Variants in CHST10 observed in about 807,000 individuals in gnomAD.
CHST10 encodes the protein carbohydrate sulfotransferase 10, also known as HNK-1 sulfotransferase.
A neutral mutation model predicts 34.7 loss-of-function variants in CHST10; 24 were observed. That is an observed-to-expected ratio of 0.69 (90% CI 0.50 to 0.97). The LOEUF is 0.97. CHST10 is among the 50% of genes least tolerant of loss of function. The pLI is 0.00. For synonymous variants in CHST10, 161 were observed against 169.3 expected (o/e 0.95, Z 0.38); for missense variants, 402 against 452.1 (o/e 0.89, Z 1.00).
In CHST10 at chr2:100,417,633, G is replaced by T. The variant is rs923420498; in HGVS notation, c.-363C>A. 1.1e-4 allele frequency: 17 copies of T among 150,852 alleles called. No homozygotes were observed. Among genetic ancestry groups the T allele is most frequent in the African/African-American group, 3.9e-4 (16 of 41,298 alleles). The allele number at this position is 150,852 out of a possible 1,614,324, so 9.3% of individuals were successfully genotyped here. A position where few individuals can be genotyped will look rare whatever the true frequency, so the allele number is the denominator to read the frequency against. ...CCAGAACGCCGGCACCGCCTCACGC[G>T]GCCCCCTCGCGCCTATCCGGCCGTG... On this transcript the variant is annotated 5_prime_UTR_variant, in exon 1 of 7. Transcript: ENST00000264249.
rs1426614747 is a variant in CHST10 at position 100,402,580 on chromosome 2, A to G, written c.176T>C (p.Ile59Thr). ...TGTGCCCACCTTCAGTTCCTCAGGAATGTGCTTCTCTTCTGGCAACTTCCT... is the reference window on the plus strand; with the variant it reads ...TGTGCCCACCTTCAGTTCCTCAGGAGTGTGCTTCTCTTCTGGCAACTTCCT... ...EVRKLPEEKH[I>T]PEELKPTGKE... Residue 59 changes from isoleucine (I) to threonine (T), a missense_variant, in exon 4 of 7, where the codon ATT (isoleucine) becomes ACT (threonine). By Grantham distance (89) the Ile-to-Thr change is moderately conservative (BLOSUM62 -1). Transcript: ENST00000264249. The G allele has an allele frequency of 6.2e-7, 1 of 1,613,828 alleles. No individual in the cohort carries two copies. Among genetic ancestry groups the G allele is most frequent in the South Asian group, 1.1e-5 (1 of 91,062 alleles).
intron 2 of CHST10, among the ~76,000 whole-genome samples, chr2:100,409,439 C>A (rs996146534): frequency 3.9e-5 from 6 of 152,154 alleles, no homozygotes; most frequent in Non-Finnish European, 7.3e-5. Context: ...GCCATATGTG[C>A]CTTCCTAAGT....
intron 2 of CHST10, among the ~76,000 whole-genome samples, chr2:100,407,301 A>T (rs1675621565): frequency 6.6e-6 from 1 of 152,226 alleles, no homozygotes; most frequent in African/African-American, 2.4e-5. Context: ...GGTGTTTTTC[A>T]TGCTGTCACA....
At chr2:100,399,054 T>C (rs918496754) in intron 4 of CHST10, among the ~76,000 whole-genome samples, 1 of 151,220 alleles carries the variant, frequency 6.6e-6, no homozygotes, top group Non-Finnish European at 1.5e-5. Flanking sequence ...GTTGTGGCCC[T>C]GTTTCTCAGC....
At chr2:100,396,666 CTG>C (rs890996484) in intron 5 of CHST10, among the ~76,000 whole-genome samples, 2 of 152,182 alleles carry the variant, frequency 1.3e-5, no homozygotes, top group Non-Finnish European at 1.5e-5. Flanking sequence ...AGAACCAGCT[CTG>C]TGGGTCCACA....
At position 100,402,647 on chromosome 2, in the gene CHST10, C is replaced by A; in HGVS notation, c.109G>T (p.Ala37Ser). ...GTCAGGAACAGAAACTCCTGTTTGG[C>A]ACTGTACACTGGAAGACAGAGAGGT... Reference protein sequence around the residue: ...LTFKDPDVYSAKQEFLFLTTM... With the variant: ...LTFKDPDVYSSKQEFLFLTTM... Residue 37 changes from alanine (A) to serine (S), a missense_variant, in exon 4 of 7, where the codon GCC (alanine) becomes TCC (serine). Coordinates refer to ENST00000264249, the MANE Select transcript of CHST10 (RefSeq NM_004854.5). 1 of 1,613,748 alleles carries A rather than the reference C, an allele frequency of 6.2e-7. No individual in the cohort carries two copies. The highest frequency in any genetic ancestry group is 8.5e-7 in the Non-Finnish European group (1 of 1,179,746).
rs1558635972 is a variant in CHST10 at position 100,398,093 on chromosome 2, T to C, written c.242A>G (p.Tyr81Cys). 1.9e-6 allele frequency: 3 copies of C among 1,613,966 alleles called. No homozygotes were observed. Among genetic ancestry groups the C allele is most frequent in the Admixed American group, 1.7e-5 (1 of 59,994 alleles). ...PDSQLVQPLV[Y>C]MERLELIRNV... ...TCTGATGAGTTCCAGGCGCTCCATG[T>C]AGACCAGGGGCTGAACGAGCTGGCT... Residue 81 changes from tyrosine to cysteine, a missense_variant, in exon 5 of 7, where the codon TAC becomes TGC. Transcript: ENST00000264249.
At position 100,402,581 on chromosome 2, in the gene CHST10, T is replaced by G; in HGVS notation, c.175A>C (p.Ile59Leu). The G allele has an allele frequency of 6.2e-7, 1 of 1,613,844 alleles. No individual in the cohort carries two copies. Among genetic ancestry groups the G allele is most frequent in the Non-Finnish European group, 8.5e-7 (1 of 1,179,828 alleles). ...GTGCCCACCTTCAGTTCCTCAGGAA[T>G]GTGCTTCTCTTCTGGCAACTTCCTC... ...EVRKLPEEKH[I>L]PEELKPTGKE... Residue 59 changes from isoleucine (I) to leucine (L), a missense_variant, in exon 4 of 7, where the codon ATT (isoleucine) becomes CTT (leucine). Coordinates refer to ENST00000264249, the MANE Select transcript of CHST10 (RefSeq NM_004854.5).
intron 2 of CHST10, among the ~76,000 whole-genome samples, chr2:100,412,384 G>A (rs1675883253): frequency 6.6e-6 from 1 of 152,180 alleles, no homozygotes; most frequent in African/African-American, 2.4e-5. Context: ...GGGATTATGT[G>A]CCTTCTGAAT....
chr2:100,393,923 C>A, intron 6 of CHST10, 141 bp from the exon 7 acceptor site: 1 of 638,014 alleles, frequency 1.6e-6, no homozygotes, highest in Non-Finnish European at 2.7e-6. Flanking sequence ...GCATTCCACA[C>A]GTCTCTTAAT....
intron 1 of CHST10, 142 bp downstream of exon 1, chr2:100,417,232 G>A (rs1676103235): frequency 2.4e-6 from 1 of 420,178 alleles, no homozygotes; most frequent in East Asian, 7.2e-5. Context: ...GCGAACTAGG[G>A]AGGTCTTCAA....
chr2:100,399,948 C>G (rs1190643767), intron 4 of CHST10, among the ~76,000 whole-genome samples: 1 of 152,184 alleles, frequency 6.6e-6, no homozygotes, highest in Non-Finnish European at 1.5e-5. Context: ...CCAGGAGCCA[C>G]GCCAGGCACT....
Position 100,397,943 on chromosome 2 carries a change from T to C in CHST10, c.392A>G (p.Asn131Ser), listed in dbSNP as rs1675142928. The C allele has an allele frequency of 6.2e-7, 1 of 1,613,872 alleles. No homozygotes were observed. Among genetic ancestry groups the C allele is most frequent in the Non-Finnish European group, 8.5e-7 (1 of 1,179,950 alleles). ...AATCAGCACTTTCTTCCACTGGGTG[T>C]TGCCCACTTTGGGAGTCTGGCAGAA... ...ILFCQTPKVG[N>S]TQWKKVLIVL... is the part of the protein sequence containing the mutation. The change falls in exon 5 of 7, where the codon AAC becomes AGC. Residue 131 changes from asparagine (N) to serine (S), a missense_variant. Asn to Ser is a conservative substitution (Grantham distance 46). Transcript: ENST00000264249.
At chr2:100,411,421 A>T (rs1293998747) in intron 2 of CHST10, among the ~76,000 whole-genome samples, 3 of 152,272 alleles carry the variant, frequency 2.0e-5, no homozygotes, top group African/African-American at 7.2e-5. Context: ...CTAGTTAAAA[A>T]TTTAGAAAAC....
intron 4 of CHST10, among the ~76,000 whole-genome samples, chr2:100,398,510 C>A (rs979120486): frequency 1.3e-5 from 2 of 152,124 alleles, no homozygotes; most frequent in African/African-American, 4.8e-5. Context: ...TCGAGATCAG[C>A]CTGGCCAAGA....
At chr2:100,404,633 T>G (rs1263622461) in intron 3 of CHST10, among the ~76,000 whole-genome samples, 1 of 152,118 alleles carries the variant, frequency 6.6e-6, no homozygotes, top group Non-Finnish European at 1.5e-5. Flanking sequence ...AGCACAAAAC[T>G]TGATACATCA....
intron 2 of CHST10, among the ~76,000 whole-genome samples, chr2:100,409,804 GTATTTC>G (rs568606672): frequency 1.8e-4 from 28 of 152,250 alleles, no homozygotes; most frequent in African/African-American, 6.7e-4. Context: ...TTTCACATGG[GTATTTC>G]ATTTTCAAAA....
Position 100,392,927 on chromosome 2 carries a change from C to G in CHST10, c.*318G>C, listed in dbSNP as rs561277403. ...AACACCTGAAGGAAACGGCTCCTAA[C>G]GCTGTGTGATGCTTCCTCCCTGCTG... On this transcript the variant is annotated 3_prime_UTR_variant, in exon 7 of 7. Transcript: ENST00000264249. 3.0e-6 allele frequency: 1 copy of G among 336,346 alleles called. No individual in the cohort carries two copies. Among genetic ancestry groups the G allele is most frequent in the Non-Finnish European group, 5.5e-6 (1 of 180,422 alleles). The allele number at this position is 336,346 out of a possible 1,614,324, so 20.8% of individuals were successfully genotyped here. A position where few individuals can be genotyped will look rare whatever the true frequency, so the allele number is the denominator to read the frequency against.
intron 2 of CHST10, among the ~76,000 whole-genome samples, chr2:100,413,126 T>A (rs978001582): frequency 6.6e-6 from 1 of 152,226 alleles, no homozygotes; most frequent in African/African-American, 2.4e-5. Flanking sequence ...GAGTCTTTCC[T>A]CAGGGCTCTG....
Sources: gnomAD v4.1 joint callset for allele counts (sites outside exome capture counted in the v4.1 genomes callset) on GRCh38, gnomAD v4.1.1 for gene constraint, MANE v1.5 for transcripts, NCBI Gene and HGNC (gene_info 2026-07-23, HGNC 2026-07-21) for gene names.